The following ADGRL2 variants were observed in gnomAD, a reference collection of about 807,000 sequenced individuals.
The protein encoded by ADGRL2 is calcium-independent alpha-latrotoxin receptor 2.
A neutral mutation model predicts 157.4 loss-of-function variants in ADGRL2; 44 were observed. The observed-to-expected ratio is 0.28, with a 90% CI of 0.22 to 0.36. ADGRL2 has a LOEUF of 0.36. Ranked by LOEUF, ADGRL2 falls within the 10% of genes least tolerant of loss-of-function variation. The pLI is 1.00. For synonymous variants in ADGRL2, 585 were observed against 624.7 expected, an observed-to-expected ratio of 0.94 and a Z score of 0.95; for missense variants, 1,510 against 1,768.9, an observed-to-expected ratio of 0.85 and a Z score of 2.63.
chr1:81,717,826 T>C lies in ADGRL2; in HGVS notation c.-143+18018T>C, dbSNP rs554856295. 2.0e-5 allele frequency among the ~76,000 whole-genome samples: 3 copies of C among 152,374 alleles called. No individual in the cohort carries two copies. In the East Asian group the frequency reaches 5.8e-4, roughly 29 times the overall value. ...TACAGAATATTTTCTTGACTGTTTC[T>C]GTTATAGTCATTGACTATTGCTAAG... On this transcript the variant is annotated intron_variant, in intron 1 of 20. Transcript: ENST00000359929.
chr1:81,695,972 ATTGT>A (rs1473761601), upstream of ADGRL2, among the ~76,000 whole-genome samples: 1 of 152,044 alleles, frequency 6.6e-6, no homozygotes, highest in Admixed American at 6.6e-5. Flanking sequence ...AGACTGACAA[ATTGT>A]TTGTAATTTA....
intron 1 of ADGRL2, among the ~76,000 whole-genome samples, chr1:81,735,862 C>T (rs114239270): frequency 3.3e-5 from 5 of 150,068 alleles, no homozygotes; most frequent in South Asian, 2.1e-4. Flanking sequence ...GTCAAACTGA[C>T]GGCTGGGCGC....
chr1:81,748,467 C>CAAAAAAAAAAAAAAA (rs973818702), intron 1 of ADGRL2, among the ~76,000 whole-genome samples: 70 of 42,236 alleles, frequency 1.7e-3, no homozygotes, highest in Non-Finnish European at 2.1e-3. Flanking sequence ...GATTCCGTCT[C>CAAAAAAAAAAAAAAA]AAAAAAAAAA....
chr1:81,667,221 T>C, intron 3 of ADGRL2, among the ~76,000 whole-genome samples: 1 of 152,154 alleles, frequency 6.6e-6, no homozygotes, highest in Non-Finnish European at 1.5e-5. Context: ...AGGTGGATGT[T>C]GTTGGGGATA....
At chr1:81,483,968 T>C (rs1394806067) in intron 2 of ADGRL2, among the ~76,000 whole-genome samples, 3 of 151,960 alleles carry the variant, frequency 2.0e-5, no homozygotes, top group African/African-American at 7.3e-5. Flanking sequence ...TTTGTGGCTA[T>C]GTTTGATCAT....
intron 3 of ADGRL2, among the ~76,000 whole-genome samples, chr1:81,669,750 G>A (rs1166461699): frequency 1.3e-5 from 2 of 151,966 alleles, no homozygotes; most frequent in Non-Finnish European, 2.9e-5. Flanking sequence ...AGACCATCCT[G>A]GCTAACACGG....
intron 2 of ADGRL2, among the ~76,000 whole-genome samples, chr1:81,487,892 C>T (rs2078542915): frequency 6.6e-6 from 1 of 152,016 alleles, no homozygotes; most frequent in Non-Finnish European, 1.5e-5. Context: ...CTGATGGTTT[C>T]TTAGATACAC....
intron 3 of ADGRL2, among the ~76,000 whole-genome samples, chr1:81,664,658 TCTG>T (rs1364587757): frequency 2.0e-5 from 3 of 152,176 alleles, no homozygotes. Context: ...GTTTCCAAAA[TCTG>T]AAAAGCTATC....
intron 1 of ADGRL2, among the ~76,000 whole-genome samples, chr1:81,417,465 A>T (rs2077052294): frequency 6.6e-6 from 1 of 152,190 alleles, no homozygotes; most frequent in African/African-American, 2.4e-5. Flanking sequence ...GATTTTAGAG[A>T]ATAGTAAGAT....
At chr1:81,812,415 G>C (rs932596883) in intron 1 of ADGRL2, among the ~76,000 whole-genome samples, 1 of 151,596 alleles carries the variant, frequency 6.6e-6, no homozygotes, top group African/African-American at 2.4e-5. Flanking sequence ...TTTATTCATA[G>C]ATTACAAATG....
Position 81,420,905 on chromosome 1 carries a change from G to A in ADGRL2, c.-301-24131G>A, listed in dbSNP as rs562116738. Among the ~76,000 whole-genome samples, 21 of 152,266 alleles carry A rather than the reference G, an allele frequency of 1.4e-4. 1 individual carries two copies. In the South Asian group the frequency reaches 4.4e-3, roughly 32 times the overall value. On this transcript the variant is annotated intron_variant, in intron 1 of 24. Coordinates refer to the ADGRL2 transcript ENST00000370721. ...ATATCAGCTGAGTAAAAGCACTGTGGTGTATTTCCCTGCTTAAATCACCAG... is the reference window on the plus strand; with the variant it reads ...ATATCAGCTGAGTAAAAGCACTGTGATGTATTTCCCTGCTTAAATCACCAG...
chr1:81,848,880 C>A (rs1251369459), intron 2 of ADGRL2, among the ~76,000 whole-genome samples: 1 of 151,912 alleles, frequency 6.6e-6, no homozygotes, highest in Non-Finnish European at 1.5e-5. Flanking sequence ...AGTTATCAGT[C>A]CACACAGATT....
chr1:81,316,356 G>A (rs745550912), intron 1 of ADGRL2, among the ~76,000 whole-genome samples: 13 of 152,090 alleles, frequency 8.5e-5, no homozygotes, highest in Non-Finnish European at 1.8e-4. Flanking sequence ...TTCACTTGAT[G>A]TTCAGGATCA....
intron 1 of ADGRL2, among the ~76,000 whole-genome samples, chr1:81,320,656 G>A (rs1361307218): frequency 6.6e-6 from 1 of 152,170 alleles, no homozygotes; most frequent in East Asian, 1.9e-4. Context: ...TTGTAAGAAA[G>A]CTTCTTTTCT....
intron 2 of ADGRL2, among the ~76,000 whole-genome samples, chr1:81,537,488 G>A (rs979947112): frequency 9.2e-5 from 14 of 151,640 alleles, no homozygotes; most frequent in South Asian, 4.2e-4. Context: ...GTTTCTCCAC[G>A]TTGGTCAGGC....
In ADGRL2 at chr1:81,725,902, G is replaced by C. The variant is rs143887065; in HGVS notation, c.-143+26094G>C. On this transcript the variant is annotated intron_variant, in intron 1 of 20. Coordinates refer to the ADGRL2 transcript ENST00000359929. The stretch of plus-strand genomic sequence containing the variant: ...CGGGGCTGAGGTGGGAGAATTGCTT[G>C]AACCTGGGAGGCGGAGGTTGCAGTG... Among the ~76,000 whole-genome samples the C allele has an allele frequency of 2.8e-4, 43 of 152,274 alleles. 2 individuals carry two copies. The East Asian group carries it at 8.3e-3, about 30-fold the overall frequency.
intron 1 of ADGRL2, among the ~76,000 whole-genome samples, chr1:81,320,682 A>C (rs1660442073): frequency 6.6e-6 from 1 of 152,248 alleles, no homozygotes; most frequent in Non-Finnish European, 1.5e-5. Flanking sequence ...GTGGGTCTTC[A>C]TAATGGGCTT....
intron 3 of ADGRL2, among the ~76,000 whole-genome samples, chr1:81,586,807 C>T (rs1026139871): frequency 6.6e-6 from 1 of 152,090 alleles, no homozygotes; most frequent in South Asian, 2.1e-4. Context: ...CTTCCTACCA[C>T]CTTCAAAGAG....
At chr1:81,951,797 C>T (rs2149082765) in intron 8 of ADGRL2, among the ~76,000 whole-genome samples, 160 bp from the exon 9 acceptor site, 1 of 151,726 alleles carries the variant, frequency 6.6e-6, no homozygotes, top group African/African-American at 2.4e-5. Context: ...AATCTAAGAG[C>T]CTTGAAACTT....
Sources: allele counts gnomAD v4.1 joint callset (sites outside exome capture counted in the v4.1 genomes callset), GRCh38; gene constraint gnomAD v4.1.1; transcripts MANE v1.5; gene names NCBI Gene and HGNC (gene_info 2026-07-23, HGNC 2026-07-21).